MICAL3: variants seen among roughly 807,000 people sequenced by gnomAD.
MICAL3 encodes microtubule associated monooxygenase, calponin and LIM domain containing 3, also known as [F-actin]-monooxygenase MICAL3.
MICAL3 carries 62 observed loss-of-function variants against 207.4 expected under a neutral mutation model. The ratio of observed to expected loss-of-function variants is 0.30; its 90% confidence interval spans 0.24 to 0.37. The LOEUF (loss-of-function observed/expected upper bound fraction) is 0.37. Among genes scored for constraint, MICAL3 ranks in the 10% least tolerant of loss-of-function variants. MICAL3 has a pLI of 1.00. For missense variants in MICAL3, 2,368 were observed against 2,635.6 expected, an observed-to-expected ratio of 0.90 and a Z score of 2.22; for synonymous variants, 1,077 against 1,069.3, an observed-to-expected ratio of 1.01 and a Z score of -0.14.
intron 12 of MICAL3, 96 bp downstream of exon 12, chr22:17,891,389 C>A: frequency 8.9e-7 from 1 of 1,120,380 alleles, no homozygotes; most frequent in African/African-American, 1.5e-5. Context: ...TACTATGTAC[C>A]TCATTCTAGG....
chr22:17,921,593 A>G (rs1932801260), intron 1 of MICAL3, among the ~76,000 whole-genome samples: 1 of 152,064 alleles, frequency 6.6e-6, no homozygotes, highest in Non-Finnish European at 1.5e-5. Flanking sequence ...GGTTCAAGTG[A>G]TTCTCCTGCC....
chr22:17,993,876 A>G (rs1223854888), intron 1 of MICAL3, among the ~76,000 whole-genome samples: 9 of 152,058 alleles, frequency 5.9e-5, no homozygotes, highest in Admixed American at 5.9e-4. Context: ...AATATGCCCA[A>G]GTCAGTTGCC....
At chr22:17,933,793 A>G (rs1933385526) in intron 1 of MICAL3, among the ~76,000 whole-genome samples, 1 of 152,222 alleles carries the variant, frequency 6.6e-6, no homozygotes. Flanking sequence ...TAAAGGGAAT[A>G]TCACCACCGA....
chr22:17,950,223 G>T (rs1228156989), intron 1 of MICAL3, among the ~76,000 whole-genome samples: 1 of 150,556 alleles, frequency 6.6e-6, no homozygotes, highest in Non-Finnish European at 1.5e-5. Flanking sequence ...ATGCAGTGGC[G>T]CTATCTTGGC....
At chr22:17,891,924 G>C (rs927630247) in intron 11 of MICAL3, among the ~76,000 whole-genome samples, 1 of 152,178 alleles carries the variant, frequency 6.6e-6, no homozygotes, top group Admixed American at 6.5e-5. Context: ...CTGTCCCCAC[G>C]GCACTGAGGT....
At chr22:17,816,154 T>C (rs1349613540) in intron 27 of MICAL3, among the ~76,000 whole-genome samples, 1 of 152,180 alleles carries the variant, frequency 6.6e-6, no homozygotes, top group Non-Finnish European at 1.5e-5. Context: ...CCACCCAAAG[T>C]CCTGGGCTCT....
intron 21 of MICAL3, among the ~76,000 whole-genome samples, chr22:17,828,976 A>C (rs1922497251): frequency 1.3e-5 from 2 of 152,140 alleles, no homozygotes; most frequent in South Asian, 4.1e-4. Flanking sequence ...AAGACCACCC[A>C]GTGTGATGCT....
intron 23 of MICAL3, 45 bp downstream of exon 23, chr22:17,822,902 C>T: frequency 7.5e-7 from 1 of 1,336,926 alleles, no homozygotes; most frequent in Non-Finnish European, 1.1e-6. Flanking sequence ...TTGCCTTCAT[C>T]TTCCCTGAGC....
intron 1 of MICAL3, among the ~76,000 whole-genome samples, chr22:17,985,711 C>T (rs1016343560): frequency 1.1e-4 from 17 of 152,146 alleles, no homozygotes; most frequent in African/African-American, 3.9e-4. Flanking sequence ...AGGTAACTCA[C>T]CTGAACTCAC....
intron 16 of MICAL3, 149 bp from the exon 17 acceptor site, chr22:17,872,172 C>T (rs1188772296): frequency 1.0e-5 from 7 of 675,778 alleles, no homozygotes; most frequent in Non-Finnish European, 1.5e-5. Flanking sequence ...GTCAACTGTG[C>T]TCTTGGCTCT....
intron 28 of MICAL3, among the ~76,000 whole-genome samples, chr22:17,810,496 G>A (rs1449294731): frequency 6.6e-6 from 1 of 152,218 alleles, no homozygotes; most frequent in Non-Finnish European, 1.5e-5. Flanking sequence ...ACCACGCCCA[G>A]CCTGCTCTTC....
chr22:17,947,040 A>C (rs1934105342), intron 1 of MICAL3, among the ~76,000 whole-genome samples: 1 of 152,272 alleles, frequency 6.6e-6, no homozygotes, highest in Non-Finnish European at 1.5e-5. Flanking sequence ...GAAATTGTTT[A>C]AATCACAAAG....
intron 1 of MICAL3, among the ~76,000 whole-genome samples, chr22:17,993,071 G>A (rs1921874368): frequency 6.6e-6 from 1 of 152,194 alleles, no homozygotes; most frequent in African/African-American, 2.4e-5. Context: ...GTGGTTTTGA[G>A]AAAGCCTATC....
intron 12 of MICAL3, among the ~76,000 whole-genome samples, chr22:17,890,587 T>C (rs1228503827): frequency 6.6e-6 from 1 of 152,188 alleles, no homozygotes; most frequent in Non-Finnish European, 1.5e-5. Context: ...ACACCAGAAA[T>C]CCCCATTTGT....
intron 1 of MICAL3, among the ~76,000 whole-genome samples, chr22:17,909,083 C>T (rs1931950361): frequency 6.6e-6 from 1 of 152,174 alleles, no homozygotes; most frequent in Non-Finnish European, 1.5e-5. Flanking sequence ...CAAGGAACTG[C>T]CCTCTCCACC....
intron 16 of MICAL3, chr22:17,884,475 G>A: frequency 2.8e-6 from 2 of 709,114 alleles, no homozygotes; most frequent in Non-Finnish European, 4.6e-6. Flanking sequence ...CCATATCTGT[G>A]AACTGTGGGG....
At chr22:17,968,324 C>T (rs1393683955) in intron 1 of MICAL3, among the ~76,000 whole-genome samples, 3 of 152,046 alleles carry the variant, frequency 2.0e-5, no homozygotes, top group Non-Finnish European at 4.4e-5. Context: ...AGCTCAGACC[C>T]GCCCTACTGA....
chr22:17,883,613 G>C (rs373648432), intron 16 of MICAL3, among the ~76,000 whole-genome samples: 3 of 152,140 alleles, frequency 2.0e-5, no homozygotes, highest in Non-Finnish European at 4.4e-5. Flanking sequence ...AACGCAGCTG[G>C]GGGTCCCAAT....
intron 9 of MICAL3, 121 bp downstream of exon 9, chr22:17,896,125 A>G: frequency 1.7e-6 from 1 of 588,214 alleles, no homozygotes; most frequent in Non-Finnish European, 3.1e-6. Context: ...TTCCACATGA[A>G]AACATCTTTA....
Sources: gnomAD v4.1 joint callset for allele counts (sites outside exome capture counted in the v4.1 genomes callset) on GRCh38, gnomAD v4.1.1 for gene constraint, MANE v1.5 for transcripts, NCBI Gene and HGNC (gene_info 2026-07-23, HGNC 2026-07-21) for gene names.